Variants in PKP4 observed in about 807,000 individuals in gnomAD.
The protein encoded by PKP4 is plakophilin 4.
In PKP4, 90 loss-of-function variants were observed where a neutral mutation model predicts 145.1. The ratio of observed to expected loss-of-function variants is 0.62; its 90% confidence interval spans 0.52 to 0.74. The LOEUF (loss-of-function observed/expected upper bound fraction) is 0.74, where lower values mean the gene tolerates loss of function less well. Ranked by LOEUF, PKP4 falls within the 30% of genes least tolerant of loss-of-function variation. The pLI is 0.00. For missense variants in PKP4, 1,340 were observed against 1,482.7 expected (o/e 0.90, Z 1.58); for synonymous variants, 563 against 577.2 (o/e 0.98, Z 0.35).
chr2:158,504,940 C>T (rs1417182221), intron 1 of PKP4, among the ~76,000 whole-genome samples: 1 of 152,134 alleles, frequency 6.6e-6, no homozygotes. Flanking sequence ...ATAAGAGTTA[C>T]GGTAGATTGC....
intron 2 of PKP4, among the ~76,000 whole-genome samples, chr2:158,560,987 G>T (rs1482812566): frequency 6.6e-6 from 1 of 152,228 alleles, no homozygotes. Context: ...AGGACAGGTG[G>T]CCTACCGGCT....
intron 1 of PKP4, among the ~76,000 whole-genome samples, chr2:158,522,609 A>G (rs1399663809): frequency 6.6e-6 from 1 of 152,210 alleles, no homozygotes; most frequent in African/African-American, 2.4e-5. Context: ...TTAAAAAAAG[A>G]GACCTGGAGG....
chr2:158,662,261 G>A (rs1288240788), intron 13 of PKP4: 2 of 152,266 alleles, frequency 1.3e-5, no homozygotes, highest in African/African-American at 4.8e-5. Flanking sequence ...GAGATCTGCA[G>A]ATGAAATTGA....
chr2:158,468,257 G>A (rs923558426), intron 1 of PKP4, among the ~76,000 whole-genome samples: 1 of 152,120 alleles, frequency 6.6e-6, no homozygotes, highest in African/African-American at 2.4e-5. Flanking sequence ...TTAAAATAAA[G>A]AATTTTGTAA....
chr2:158,668,302 A>C (rs1248190232), intron 16 of PKP4, among the ~76,000 whole-genome samples: 1 of 151,890 alleles, frequency 6.6e-6, no homozygotes, highest in African/African-American at 2.4e-5. Flanking sequence ...TAATTTACCC[A>C]GTACTTCAGT....
chr2:158,647,417 T>C (rs1258641121), intron 11 of PKP4, among the ~76,000 whole-genome samples: 3 of 152,198 alleles, frequency 2.0e-5, no homozygotes, highest in African/African-American at 7.2e-5. Flanking sequence ...ATTAATCCAG[T>C]CTTTTTTTCT....
chr2:158,619,720 T>C (rs1363234557), intron 4 of PKP4, among the ~76,000 whole-genome samples: 1 of 152,214 alleles, frequency 6.6e-6, no homozygotes, highest in East Asian at 1.9e-4. Context: ...AAATATTTAC[T>C]GAGCACCTAC....
rs2053620457 is a variant in PKP4 at position 158,634,152 on chromosome 2, A to G, written c.1425A>G (p.Thr475=). The change falls in exon 9 of 22, where the codon ACA becomes ACG. Residue 475 remains threonine (T), a synonymous_variant. Transcript: ENST00000389759. ...YQRNNYALNT[T]ATYAEPYRPI... ...GAAATAATTATGCTCTGAACACAAC[A>G]GCTACCTACGCGGAGCCCTACAGGC... The G allele has an allele frequency of 6.2e-7, 1 of 1,614,082 alleles. No individual in the cohort carries two copies. Among genetic ancestry groups the G allele is most frequent in the African/African-American group, 1.3e-5 (1 of 75,048 alleles).
chr2:158,646,888 A>G (rs867080844), intron 11 of PKP4, among the ~76,000 whole-genome samples: 2 of 152,210 alleles, frequency 1.3e-5, no homozygotes, highest in Non-Finnish European at 2.9e-5. Context: ...AAGGTTATCC[A>G]GAAAGCAGCA....
chr2:158,503,944 A>G (rs1004572863), intron 1 of PKP4, among the ~76,000 whole-genome samples: 2 of 131,882 alleles, frequency 1.5e-5, no homozygotes, highest in Non-Finnish European at 3.2e-5. Flanking sequence ...CTACTGTTTT[A>G]GGATTTCTGG....
At chr2:158,516,930 A>G (rs1166582245) in intron 1 of PKP4, among the ~76,000 whole-genome samples, 2 of 152,144 alleles carry the variant, frequency 1.3e-5, no homozygotes, top group African/African-American at 4.8e-5. Context: ...CAAAGTGCTG[A>G]GAGTACAGGC....
intron 19 of PKP4, among the ~76,000 whole-genome samples, 182 bp downstream of exon 19, chr2:158,674,182 A>G (rs1026871788): frequency 3.9e-5 from 6 of 152,220 alleles, no homozygotes; most frequent in Non-Finnish European, 7.3e-5. Flanking sequence ...CTTCCTTTTT[A>G]AAAGTGTATA....
intron 4 of PKP4, 113 bp downstream of exon 4, chr2:158,603,217 A>C: frequency 1.8e-6 from 1 of 561,992 alleles, no homozygotes; most frequent in Non-Finnish European, 3.1e-6. Context: ...TAATAGTGAC[A>C]ATATTGCGCT....
intron 1 of PKP4, among the ~76,000 whole-genome samples, chr2:158,518,991 T>A (rs748510507): frequency 2.6e-5 from 4 of 152,300 alleles, no homozygotes; most frequent in Non-Finnish European, 5.9e-5. Context: ...TGTCTCATTT[T>A]AAGTGATTTG....
intron 1 of PKP4, among the ~76,000 whole-genome samples, chr2:158,505,208 G>C (rs1394701469): frequency 6.6e-6 from 1 of 152,206 alleles, no homozygotes; most frequent in African/African-American, 2.4e-5. Context: ...TATAGGAAGA[G>C]TATGAGTTCT....
chr2:158,615,721 T>C (rs1286139861), intron 4 of PKP4, among the ~76,000 whole-genome samples: 1 of 152,224 alleles, frequency 6.6e-6, no homozygotes, highest in Non-Finnish European at 1.5e-5. Flanking sequence ...TTGCTTATAC[T>C]ATAGATTCGA....
At position 158,625,080 on chromosome 2, in the gene PKP4, C is replaced by A. The variant is rs771702885; in HGVS notation, c.806C>A (p.Ala269Glu). ...SAYSSTTLPA[A>E]RAASPYSQRP... ...TATTCCTCCACCACATTACCTGCTG[C>A]ACGGGCAGCCTCTCCGTACTCACAG... The change falls in exon 7 of 22, where the codon GCA becomes GAA. Residue 269 changes from alanine (A) to glutamate (E), a missense_variant. Coordinates refer to ENST00000389759, the MANE Select transcript of PKP4 (RefSeq NM_003628.6). 3.7e-5 allele frequency: 59 copies of A among 1,614,084 alleles called. No individual in the cohort carries two copies. Among genetic ancestry groups the A allele is most frequent in the Non-Finnish European group, 4.7e-5 (56 of 1,180,028 alleles).
intron 11 of PKP4, among the ~76,000 whole-genome samples, chr2:158,652,496 TAGAG>T (rs2105955248): frequency 6.6e-6 from 1 of 152,242 alleles, no homozygotes; most frequent in East Asian, 1.9e-4. Flanking sequence ...GGCAGCTGCA[TAGAG>T]AAAGAAATGA....
At chr2:158,531,031 A>G (rs1029097420) in intron 1 of PKP4, among the ~76,000 whole-genome samples, 1 of 152,006 alleles carries the variant, frequency 6.6e-6, no homozygotes, top group Non-Finnish European at 1.5e-5. Context: ...TGAGCCCCCT[A>G]ATGGTCAATG....
Sources: allele counts gnomAD v4.1 joint callset (sites outside exome capture counted in the v4.1 genomes callset), GRCh38; gene constraint gnomAD v4.1.1; transcripts MANE v1.5; gene names NCBI Gene and HGNC (gene_info 2026-07-23, HGNC 2026-07-21).